The following CARMIL1 variants were observed in gnomAD, a reference collection of about 807,000 sequenced individuals.
The protein encoded by CARMIL1 is F-actin-uncapping protein LRRC16A.
CARMIL1 carries 90 observed loss-of-function variants against 177.1 expected under a neutral mutation model. That is an observed-to-expected ratio of 0.51 (90% CI 0.43 to 0.61). The LOEUF (loss-of-function observed/expected upper bound fraction) is 0.61, where lower values mean the gene tolerates loss of function less well. Ranked by LOEUF, CARMIL1 falls within the 20% of genes least tolerant of loss-of-function variation. CARMIL1 has a pLI of 0.00. For synonymous variants in CARMIL1, 577 were observed against 606.2 expected (o/e 0.95, Z 0.71); for missense variants, 1,380 against 1,667.0 (o/e 0.83, Z 3.00).
intron 2 of CARMIL1, among the ~76,000 whole-genome samples, chr6:25,313,306 G>C (rs1017141443): frequency 1.3e-5 from 2 of 152,148 alleles, no homozygotes; most frequent in Non-Finnish European, 2.9e-5. Context: ...TCTTGACAGC[G>C]CCTGCAGCCT....
At position 25,284,888 on chromosome 6, in the gene CARMIL1, C is replaced by G; in HGVS notation, c.117C>G (p.Asp39Glu). 6.4e-7 allele frequency: 1 copy of G among 1,564,960 alleles called. No homozygotes were observed. The highest frequency in any genetic ancestry group is 1.2e-5 in the South Asian group (1 of 84,942). The change falls in exon 2 of 37, where the codon GAC becomes GAG. Residue 39 changes from aspartate to glutamate, a missense_variant. Asp to Glu is a conservative substitution (Grantham distance 45). Coordinates refer to ENST00000329474, the MANE Select transcript of CARMIL1 (RefSeq NM_017640.6). ...KKKVKLEVKG[D>E]KVENKVLVLT... ...AAGTAAAGTTGGAAGTTAAGGGAGA[C>G]AAAGTTGAAAACAAAGTGCTGGTAA...
Position 25,302,685 on chromosome 6 carries a change from G to C in CARMIL1, c.138+17776G>C, listed in dbSNP as rs1025706273. Among the ~76,000 whole-genome samples the C allele has an allele frequency of 7.9e-5, 12 of 152,168 alleles. 1 individual carries two copies. Among genetic ancestry groups the C allele is most frequent in the African/African-American group, 2.9e-4 (12 of 41,438 alleles). On this transcript the variant is annotated intron_variant, in intron 2 of 36. Transcript: ENST00000329474. ...TCTGACATAGCCCATCTTTAATTTA[G>C]CTTTGTTCACGATGCAGGGATCAAT...
chr6:25,608,842 C>T (rs767845473), intron 35 of CARMIL1, among the ~76,000 whole-genome samples: 4 of 152,124 alleles, frequency 2.6e-5, no homozygotes, highest in Non-Finnish European at 5.9e-5. Context: ...CACTCACACG[C>T]CAACTTAAGA....
At chr6:25,290,187 C>A (rs1781828635) in intron 2 of CARMIL1, among the ~76,000 whole-genome samples, 2 of 152,010 alleles carry the variant, frequency 1.3e-5, no homozygotes, top group African/African-American at 4.8e-5. Flanking sequence ...CCTCAATCTC[C>A]CAGGCTTAAG....
At chr6:25,410,227 A>G (rs1425044866) in intron 2 of CARMIL1, among the ~76,000 whole-genome samples, 1 of 152,218 alleles carries the variant, frequency 6.6e-6, no homozygotes, top group African/African-American at 2.4e-5. Context: ...AAGAAGTGAC[A>G]TTTGTGTTTC....
At position 25,442,511 on chromosome 6, in the gene CARMIL1, A is replaced by G. The variant is rs908178959; in HGVS notation, c.371+6907A>G. The stretch of plus-strand genomic sequence containing the variant: ...ATGTGTGTGTGAGCTGGTGCCCGGT[A>G]ACAAATACACTGATGGGGCTCCTTG... On this transcript the variant is annotated intron_variant, in intron 5 of 36. Coordinates refer to ENST00000329474, the MANE Select transcript of CARMIL1 (RefSeq NM_017640.6). Among the ~76,000 whole-genome samples the G allele has an allele frequency of 6.6e-5, 10 of 151,300 alleles. 1 individual carries two copies. The highest frequency in any genetic ancestry group is 6.6e-4 in the Admixed American group (10 of 15,158).
chr6:25,360,625 G>A (rs933949424), intron 2 of CARMIL1, among the ~76,000 whole-genome samples: 2 of 152,196 alleles, frequency 1.3e-5, no homozygotes, highest in African/African-American at 4.8e-5. Flanking sequence ...GGATAGCCAA[G>A]GCAAATGCTG....
At chr6:25,504,745 C>G (rs1031671927) in intron 17 of CARMIL1, among the ~76,000 whole-genome samples, 12 of 152,150 alleles carry the variant, frequency 7.9e-5, no homozygotes, top group Non-Finnish European at 1.5e-4. Flanking sequence ...AAAGGAGTCT[C>G]TTTTGTGTAT....
intron 27 of CARMIL1, 65 bp from the exon 28 acceptor site, chr6:25,553,944 G>C: frequency 1.0e-6 from 1 of 978,416 alleles, no homozygotes; most frequent in Non-Finnish European, 1.6e-6. Flanking sequence ...ATAGCAGCAA[G>C]GGTGGATCAT....
At chr6:25,339,246 C>T (rs962761973) in intron 2 of CARMIL1, among the ~76,000 whole-genome samples, 3 of 152,250 alleles carry the variant, frequency 2.0e-5, no homozygotes, top group South Asian at 2.1e-4. Context: ...AGTCCTCTTG[C>T]GAAGTCATTT....
chr6:25,485,949 A>C (rs1038864809), intron 12 of CARMIL1, among the ~76,000 whole-genome samples: 12 of 152,096 alleles, frequency 7.9e-5, no homozygotes, highest in African/African-American at 2.6e-4. Context: ...AAAAAAAAAA[A>C]AAACTCCCCA....
At chr6:25,552,862 A>G (rs192605900) in intron 27 of CARMIL1, among the ~76,000 whole-genome samples, 2 of 152,184 alleles carry the variant, frequency 1.3e-5, no homozygotes, top group Non-Finnish European at 2.9e-5. Flanking sequence ...TTAGATTTTC[A>G]GGTCCCTCTG....
intron 8 of CARMIL1, 54 bp downstream of exon 8, chr6:25,450,765 T>G (rs1172286328): frequency 3.1e-5 from 12 of 387,004 alleles, no homozygotes; most frequent in East Asian, 7.4e-5. Context: ...CCTCCCTCCC[T>G]TCCTCCCTCC....
intron 5 of CARMIL1, among the ~76,000 whole-genome samples, chr6:25,439,253 C>T (rs958605556): frequency 6.6e-6 from 1 of 152,180 alleles, no homozygotes; most frequent in Non-Finnish European, 1.5e-5. Flanking sequence ...CTAGGACCTA[C>T]AAGACCTCCA....
chr6:25,441,351 G>GTGTGTGTGTGTGTGTGTGTGTT (rs1562140433), intron 5 of CARMIL1, among the ~76,000 whole-genome samples: 1 of 133,442 alleles, frequency 7.5e-6, no homozygotes, highest in Non-Finnish European at 1.6e-5. Flanking sequence ...GTGTGTGTGT[G>GTGTGTGTGTGTGTGTGTGTGTT]TGTGTGTGTG....
Position 25,284,903 on chromosome 6 carries a change from A to G in CARMIL1, c.132A>G (p.Lys44=), listed in dbSNP as rs1781418911. ...TTAAGGGAGACAAAGTTGAAAACAA[A>G]GTGCTGGTAAGTATTGCTGTTTATT... ...LEVKGDKVEN[K]VLVLTSCRAF... The change falls in exon 2 of 37, where the codon AAA becomes AAG. Residue 44 remains lysine, a synonymous_variant. Coordinates refer to ENST00000329474, the MANE Select transcript of CARMIL1 (RefSeq NM_017640.6). 1.3e-6 allele frequency: 2 copies of G among 1,539,528 alleles called. No individual in the cohort carries two copies. Among genetic ancestry groups the G allele is most frequent in the Non-Finnish European group, 1.8e-6 (2 of 1,130,862 alleles).
chr6:25,400,203 A>G (rs1793771301), intron 2 of CARMIL1, among the ~76,000 whole-genome samples: 1 of 152,136 alleles, frequency 6.6e-6, no homozygotes, highest in South Asian at 2.1e-4. Context: ...TTACCTTAAA[A>G]TCTCCATGTA....
At chr6:25,344,190 C>G (rs73399941) in intron 2 of CARMIL1, among the ~76,000 whole-genome samples, 38,033 of 151,956 alleles carry the variant, frequency 0.25, 4,962 homozygotes, top group South Asian at 0.41. Context: ...CCACTCTTAT[C>G]ACCACTTCCT....
chr6:25,444,820 G>A (rs1439887670), intron 5 of CARMIL1, among the ~76,000 whole-genome samples: 2 of 152,126 alleles, frequency 1.3e-5, no homozygotes, highest in Admixed American at 6.5e-5. Context: ...TGTGAATAGT[G>A]CTGCAATAAA....
Sources: gnomAD v4.1 joint callset for allele counts (sites outside exome capture counted in the v4.1 genomes callset) on GRCh38, gnomAD v4.1.1 for gene constraint, MANE v1.5 for transcripts, NCBI Gene and HGNC (gene_info 2026-07-23, HGNC 2026-07-21) for gene names.